S100Z: variants seen among roughly 807,000 people sequenced by gnomAD.
S100Z encodes the protein protein S100-Z.
A neutral mutation model predicts 8.5 loss-of-function variants in S100Z; 11 were observed. The observed-to-expected ratio is 1.30, with a 90% CI of 0.82 to 2.15. The LOEUF is 2.15. Among genes scored for constraint, S100Z ranks in the 30% most tolerant of loss-of-function variants. The pLI is 0.00. For missense variants in S100Z, 126 were observed against 117.9 expected (o/e 1.07, Z -0.32); for synonymous variants, 34 against 43.8 (o/e 0.78, Z 0.89).
intron 4 of S100Z, among the ~76,000 whole-genome samples, chr5:76,914,450 G>C (rs945528931): frequency 1.8e-4 from 27 of 151,284 alleles, no homozygotes; most frequent in African/African-American, 5.9e-4. Context: ...GATGTGGGTG[G>C]GGCCAAATAA....
chr5:76,898,801 G>A (rs571133255), intron 4 of S100Z, among the ~76,000 whole-genome samples: 141 of 152,008 alleles, frequency 9.3e-4, no homozygotes, highest in Non-Finnish European at 1.6e-3. Flanking sequence ...AGGGTAATAT[G>A]GGCCTCATAG....
At chr5:76,912,243 G>T (rs1223509803) in intron 4 of S100Z, among the ~76,000 whole-genome samples, 1 of 152,134 alleles carries the variant, frequency 6.6e-6, no homozygotes, top group African/African-American at 2.4e-5. Flanking sequence ...TGAGGGACCG[G>T]TGCTTCAAAT....
the S100Z span, among the ~76,000 whole-genome samples, chr5:76,934,304 T>C: frequency 6.6e-6 from 1 of 152,328 alleles, no homozygotes; most frequent in Non-Finnish European, 1.5e-5. Flanking sequence ...TTTTAACACA[T>C]TCCCCAGTTG....
chr5:76,863,493 T>G (rs1455447522), intron 1 of S100Z, among the ~76,000 whole-genome samples: 2 of 152,258 alleles, frequency 1.3e-5, no homozygotes, highest in African/African-American at 4.8e-5. Context: ...TTAGTAATAT[T>G]TTGAGCATGT....
chr5:76,898,660 T>C (rs748694577), intron 4 of S100Z, among the ~76,000 whole-genome samples: 1 of 152,240 alleles, frequency 6.6e-6, no homozygotes, highest in Admixed American at 6.5e-5. Context: ...CATTTAGTCA[T>C]GATGAGTGAT....
intron 4 of S100Z, among the ~76,000 whole-genome samples, chr5:76,907,477 G>A (rs952397967): frequency 1.3e-5 from 2 of 151,990 alleles, no homozygotes; most frequent in African/African-American, 4.8e-5. Context: ...CTAATTTTTT[G>A]TATTTTTAGT....
At chr5:76,874,622 T>C (rs1416171675) in intron 2 of S100Z, among the ~76,000 whole-genome samples, 1 of 152,146 alleles carries the variant, frequency 6.6e-6, no homozygotes, top group Non-Finnish European at 1.5e-5. Context: ...TATAAATGCT[T>C]ATAGTTTAAT....
chr5:76,862,193 G>A (rs1266297092), intron 1 of S100Z, among the ~76,000 whole-genome samples: 1 of 151,008 alleles, frequency 6.6e-6, no homozygotes, highest in Non-Finnish European at 1.5e-5. Flanking sequence ...ATATAGAAAA[G>A]TAGAGTAGCC....
chr5:76,944,912 G>A, the S100Z span, among the ~76,000 whole-genome samples: 1 of 152,170 alleles, frequency 6.6e-6, no homozygotes, highest in African/African-American at 2.4e-5. Context: ...ATGATCTACT[G>A]GCTAGATGTT....
the S100Z span, among the ~76,000 whole-genome samples, chr5:76,926,852 T>G: frequency 6.6e-6 from 1 of 152,240 alleles, no homozygotes; most frequent in Non-Finnish European, 1.5e-5. Flanking sequence ...ATCTGATTCA[T>G]GATTTATTGC....
downstream of S100Z, among the ~76,000 whole-genome samples, chr5:76,923,080 C>T (rs554335478): frequency 3.3e-5 from 5 of 151,328 alleles, no homozygotes; most frequent in South Asian, 2.1e-4. Context: ...TTAATAATTC[C>T]GTGACATCAT....
chr5:76,887,745 T>C (rs948159617), intron 4 of S100Z, among the ~76,000 whole-genome samples: 3 of 152,118 alleles, frequency 2.0e-5, no homozygotes, highest in Non-Finnish European at 4.4e-5. Flanking sequence ...AATAAATCTA[T>C]GCTTAGGGAA....
chr5:76,878,097 G>A (rs537691784), intron 4 of S100Z: 3 of 224,030 alleles, frequency 1.3e-5, no homozygotes, highest in African/African-American at 2.3e-5. Context: ...TTGTCAAAAC[G>A]AGGGCATTAC....
intron 4 of S100Z, among the ~76,000 whole-genome samples, chr5:76,886,796 C>A (rs1743655514): frequency 6.6e-6 from 1 of 152,102 alleles, no homozygotes; most frequent in Non-Finnish European, 1.5e-5. Context: ...GAAGTACATT[C>A]TCAAGGATAG....
intron 4 of S100Z, among the ~76,000 whole-genome samples, chr5:76,896,683 C>T (rs925183585): frequency 4.6e-5 from 7 of 152,218 alleles, no homozygotes; most frequent in African/African-American, 1.4e-4. Context: ...CTTTTCTCCA[C>T]ATCCTTGCCA....
chr5:76,919,731 C>T (rs1343537615), intron 4 of S100Z, among the ~76,000 whole-genome samples: 2 of 151,540 alleles, frequency 1.3e-5, no homozygotes, highest in Admixed American at 6.6e-5. Context: ...CTCAGCCTCC[C>T]GAGTAGCTGG....
chr5:76,922,338 T>C (rs1745062649), downstream of S100Z, among the ~76,000 whole-genome samples: 1 of 152,222 alleles, frequency 6.6e-6, no homozygotes, highest in African/African-American at 2.4e-5. Context: ...GTCATCACCA[T>C]GCCCAGACAG....
At chr5:76,862,611 C>CAACA (rs1027553014) in intron 1 of S100Z, among the ~76,000 whole-genome samples, 4 of 151,992 alleles carry the variant, frequency 2.6e-5, no homozygotes, top group Non-Finnish European at 4.4e-5. Flanking sequence ...CCAGCCTGGC[C>CAACA]AACATGGTGA....
chr5:76,946,234 A>T, the S100Z span, among the ~76,000 whole-genome samples: 1 of 152,282 alleles, frequency 6.6e-6, no homozygotes, highest in Middle Eastern at 3.4e-3. Flanking sequence ...ACTCTTCAAA[A>T]GCCTTCTCGC....
Sources: gnomAD v4.1 joint callset for allele counts (sites outside exome capture counted in the v4.1 genomes callset) on GRCh38, gnomAD v4.1.1 for gene constraint, MANE v1.5 for transcripts, NCBI Gene and HGNC (gene_info 2026-07-23, HGNC 2026-07-21) for gene names.